The following MDGA2 variants were observed in gnomAD, a reference collection of about 807,000 sequenced individuals.
The protein encoded by MDGA2 is MAM domain-containing glycosylphosphatidylinositol anchor protein 2.
In MDGA2, 40 loss-of-function variants were observed where a neutral mutation model predicts 117.8. The observed-to-expected ratio is 0.34, with a 90% confidence interval of 0.26 to 0.44. MDGA2 has a LOEUF of 0.44. Among genes scored for constraint, MDGA2 ranks in the 20% least tolerant of loss-of-function variants. MDGA2 has a pLI of 1.00. For missense variants in MDGA2, 1,123 were observed against 1,250.6 expected (o/e 0.90, Z 1.54); for synonymous variants, 452 against 439.0 (o/e 1.03, Z -0.37).
intron 9 of MDGA2, among the ~76,000 whole-genome samples, chr14:46,949,065 C>T (rs1981286): frequency 0.12 from 18,223 of 151,982 alleles, 2,089 homozygotes; most frequent in African/African-American, 0.28. Flanking sequence ...CACTTTCAAA[C>T]TGATTAGCTT....
intron 16 of MDGA2, among the ~76,000 whole-genome samples, chr14:46,842,266 C>T (rs1880647393): frequency 6.6e-6 from 1 of 152,026 alleles, no homozygotes; most frequent in African/African-American, 2.4e-5. Context: ...GCTATGAAAA[C>T]TTGTTCATAA....
At chr14:47,359,378 C>CA (rs1274884866) in intron 1 of MDGA2, among the ~76,000 whole-genome samples, 42 of 150,598 alleles carry the variant, frequency 2.8e-4, no homozygotes, top group Admixed American at 5.3e-4. Flanking sequence ...AGCAAACAAA[C>CA]AAACAAAAAA....
In MDGA2 at chr14:47,036,088, T is replaced by C. The variant is rs537719001; in HGVS notation, c.1526-784A>G. Among the ~76,000 whole-genome samples, 14 of 151,700 alleles carry C rather than the reference T, an allele frequency of 9.2e-5. No individual in the cohort carries two copies. The South Asian group carries it at 2.1e-3, about 23-fold the overall frequency. On this transcript the variant is annotated intron_variant, in intron 7 of 16. Transcript: ENST00000399232. ...ATCGAGACCATCCTGGCTAACACGG[T>C]GAAACCCCGTCTCTACTAAAAATAC...
chr14:46,930,440 A>G (rs1461130083), intron 9 of MDGA2, among the ~76,000 whole-genome samples: 1 of 152,176 alleles, frequency 6.6e-6, no homozygotes, highest in Non-Finnish European at 1.5e-5. Flanking sequence ...AACTTTGGTA[A>G]ATAAAAACAG....
intron 8 of MDGA2, among the ~76,000 whole-genome samples, chr14:47,033,372 T>C (rs1888730247): frequency 6.6e-6 from 1 of 152,158 alleles, no homozygotes; most frequent in African/African-American, 2.4e-5. Context: ...TGAAAACTGA[T>C]TGCACTAATA....
At chr14:46,857,921 T>G (rs1346835459) in intron 14 of MDGA2, among the ~76,000 whole-genome samples, 1 of 152,152 alleles carries the variant, frequency 6.6e-6, no homozygotes, top group Non-Finnish European at 1.5e-5. Flanking sequence ...CCAAAGTTTT[T>G]GGGATTACAG....
intron 1 of MDGA2, among the ~76,000 whole-genome samples, chr14:47,349,256 T>C (rs1417015758): frequency 1.3e-5 from 2 of 152,200 alleles, no homozygotes; most frequent in Non-Finnish European, 2.9e-5. Flanking sequence ...GCCCTAGACA[T>C]GAGTCCAAAT....
chr14:47,401,884 G>A (rs181453766), intron 1 of MDGA2, among the ~76,000 whole-genome samples: 3 of 152,262 alleles, frequency 2.0e-5, no homozygotes, highest in East Asian at 1.9e-4. Flanking sequence ...GAATTAATAC[G>A]GTCATTCTCA....
intron 3 of MDGA2, among the ~76,000 whole-genome samples, chr14:47,166,007 TC>T (rs956739879): frequency 4.6e-5 from 7 of 150,966 alleles, no homozygotes; most frequent in Non-Finnish European, 1.0e-4. Context: ...TTTTGATTTA[TC>T]CCATTTTATA....
chr14:46,944,400 A>G (rs769746342), intron 9 of MDGA2, among the ~76,000 whole-genome samples: 96 of 151,632 alleles, frequency 6.3e-4, no homozygotes, highest in Non-Finnish European at 1.2e-3. Context: ...TCTCTTTATC[A>G]TTAGTTTTCC....
rs79573964 is a variant in MDGA2 at position 47,490,417 on chromosome 14, C to T, written c.280+184100G>A. Among the ~76,000 whole-genome samples, 3 of 152,200 alleles carry T rather than the reference C, an allele frequency of 2.0e-5. No homozygotes were observed. The East Asian group carries it at 5.8e-4, about 29-fold the overall frequency. On this transcript the variant is annotated intron_variant, in intron 1 of 16. Coordinates refer to ENST00000399232, the MANE Select transcript of MDGA2 (RefSeq NM_001113498.3). Reference sequence around the variant, plus strand: ...TGAGAAAAGAATCTTATTCTGAATACATTTCAAGAAAATAAGCCGCTGTTC... The same window carrying T: ...TGAGAAAAGAATCTTATTCTGAATATATTTCAAGAAAATAAGCCGCTGTTC...
intron 1 of MDGA2, among the ~76,000 whole-genome samples, chr14:47,406,607 C>T (rs1892266789): frequency 6.6e-6 from 1 of 151,964 alleles, no homozygotes; most frequent in Non-Finnish European, 1.5e-5. Flanking sequence ...CAGAAAGAGA[C>T]ATGAAATATT....
intron 6 of MDGA2, among the ~76,000 whole-genome samples, chr14:47,083,527 A>G (rs1355100877): frequency 1.3e-5 from 2 of 152,078 alleles, no homozygotes; most frequent in African/African-American, 4.8e-5. Flanking sequence ...CAAAGAAAAC[A>G]GAAATAAGAA....
intron 1 of MDGA2, among the ~76,000 whole-genome samples, chr14:47,464,116 C>CAT (rs200837358): frequency 0.016 from 2,434 of 149,844 alleles, 72 homozygotes; most frequent in African/African-American, 0.057. Flanking sequence ...CACACACACA[C>CAT]ACACACACAC....
chr14:47,570,316 C>A (rs2138819111), intron 1 of MDGA2, among the ~76,000 whole-genome samples: 1 of 152,128 alleles, frequency 6.6e-6, no homozygotes, highest in Non-Finnish European at 1.5e-5. Flanking sequence ...AATGGCAAAA[C>A]CAACCTAACG....
intron 5 of MDGA2, among the ~76,000 whole-genome samples, chr14:47,126,834 T>C (rs1158754674): frequency 6.6e-6 from 1 of 152,156 alleles, no homozygotes; most frequent in Non-Finnish European, 1.5e-5. Context: ...GTGTAACTGT[T>C]CTGCAGTAAG....
chr14:47,483,057 C>T (rs1234437371), intron 1 of MDGA2, among the ~76,000 whole-genome samples: 2 of 152,094 alleles, frequency 1.3e-5, no homozygotes, highest in East Asian at 3.9e-4. Context: ...TTATGACATA[C>T]TTTCAAGTTT....
chr14:47,491,963 T>C (rs1395182946), intron 1 of MDGA2, among the ~76,000 whole-genome samples: 2 of 152,124 alleles, frequency 1.3e-5, no homozygotes, highest in Admixed American at 1.3e-4. Context: ...TTAAATAAAT[T>C]ATTTTTCTAT....
intron 3 of MDGA2, among the ~76,000 whole-genome samples, chr14:47,213,831 G>A (rs531888522): frequency 8.0e-4 from 121 of 152,194 alleles, no homozygotes; most frequent in African/African-American, 2.6e-3. Context: ...GAAAGAAAGA[G>A]GTTTAATTGA....
Sources: gnomAD v4.1 joint callset for allele counts (sites outside exome capture counted in the v4.1 genomes callset) on GRCh38, gnomAD v4.1.1 for gene constraint, MANE v1.5 for transcripts, NCBI Gene and HGNC (gene_info 2026-07-23, HGNC 2026-07-21) for gene names.